The following SUPT3H variants were observed in gnomAD, a reference collection of about 807,000 sequenced individuals.
The protein encoded by SUPT3H is transcription initiation protein SPT3 homolog.
Under a neutral mutation model 44.3 loss-of-function variants are expected in SUPT3H, and 44 were observed. The ratio of observed to expected loss-of-function variants is 0.99; its 90% CI spans 0.78 to 1.28. SUPT3H has a LOEUF of 1.28. SUPT3H is among the 50% of genes most tolerant of loss of function. SUPT3H has a pLI of 0.00. For missense variants in SUPT3H, 380 were observed against 387.1 expected, an observed-to-expected ratio of 0.98 and a Z score of 0.15; for synonymous variants, 124 against 125.6, an observed-to-expected ratio of 0.99 and a Z score of 0.09.
Position 44,943,046 on chromosome 6 carries a change from A to G in SUPT3H, c.801+10264T>C, listed in dbSNP as rs747608615. 4.6e-5 allele frequency among the ~76,000 whole-genome samples: 7 copies of G among 152,314 alleles called. No homozygotes were observed. The South Asian group carries it at 1.2e-3, about 27-fold the overall frequency. ...CACAAGAAAGCATGACTTATATTCA[A>G]TGGAGACCAAGAAAATTCACATATT... On this transcript the variant is annotated intron_variant, in intron 9 of 10. Transcript: ENST00000371459.
intron 2 of SUPT3H, among the ~76,000 whole-genome samples, chr6:45,275,697 T>C (rs545809283): frequency 7.9e-5 from 12 of 152,300 alleles, no homozygotes; most frequent in Non-Finnish European, 1.8e-4. Flanking sequence ...CTCATATTTA[T>C]ACTTTGGTTA....
chr6:45,376,735 C>A (rs1416945482), intron 1 of SUPT3H, among the ~76,000 whole-genome samples: 2 of 152,182 alleles, frequency 1.3e-5, no homozygotes. Context: ...GAAACATTCA[C>A]CAGAAATTCC....
chr6:45,282,458 A>T lies in SUPT3H; in HGVS notation c.101+82743T>A, dbSNP rs565827088. 5.3e-5 allele frequency among the ~76,000 whole-genome samples: 8 copies of T among 152,356 alleles called. No homozygotes were observed. In the South Asian group the frequency reaches 1.7e-3, roughly 32 times the overall value. ...ACAAATGCACAAGCTTCAGTAGCCG[A>T]TTCGATCAACTGGAAGAAAGGGTAT... On this transcript the variant is annotated intron_variant, in intron 2 of 10. Coordinates refer to ENST00000371459, the MANE Select transcript of SUPT3H (RefSeq NM_003599.4).
At chr6:45,313,386 T>C (rs1324846468) in intron 2 of SUPT3H, among the ~76,000 whole-genome samples, 1 of 152,094 alleles carries the variant, frequency 6.6e-6, no homozygotes, top group African/African-American at 2.4e-5. Flanking sequence ...ATAAGATTGA[T>C]AGACCATTTG....
chr6:45,236,842 T>A (rs1437309410), intron 2 of SUPT3H, among the ~76,000 whole-genome samples: 2 of 152,160 alleles, frequency 1.3e-5, no homozygotes, highest in Non-Finnish European at 2.9e-5. Flanking sequence ...TGGACCAGGT[T>A]CTCCTTTTGT....
intron 2 of SUPT3H, among the ~76,000 whole-genome samples, chr6:45,116,913 A>C (rs1195645890): frequency 6.6e-6 from 1 of 152,076 alleles, no homozygotes; most frequent in Non-Finnish European, 1.5e-5. Context: ...GACAACCACT[A>C]ATCTACTTGA....
chr6:44,928,387 G>C (rs1582551269), intron 10 of SUPT3H, among the ~76,000 whole-genome samples: 2 of 152,172 alleles, frequency 1.3e-5, no homozygotes, highest in Non-Finnish European at 2.9e-5. Flanking sequence ...AGGTTCTTTA[G>C]AGTGTGTATA....
At chr6:45,022,415 G>GTTTTT (rs3053670) in intron 3 of SUPT3H, among the ~76,000 whole-genome samples, 3 of 141,562 alleles carry the variant, frequency 2.1e-5, no homozygotes, top group Non-Finnish European at 3.1e-5. Context: ...TGGAATCACT[G>GTTTTT]TTTTTTTTTT....
chr6:45,088,072 A>C (rs28678704), intron 3 of SUPT3H, among the ~76,000 whole-genome samples: 179 of 152,174 alleles, frequency 1.2e-3, no homozygotes, highest in African/African-American at 4.1e-3. Context: ...AAGCTTCCTA[A>C]GTCTCCAGGA....
intron 9 of SUPT3H, among the ~76,000 whole-genome samples, chr6:44,941,572 T>C (rs187487974): frequency 2.0e-4 from 30 of 152,212 alleles, no homozygotes; most frequent in African/African-American, 6.7e-4. Flanking sequence ...ACCAGAAAGG[T>C]GTTTAAGGAA....
intron 10 of SUPT3H, among the ~76,000 whole-genome samples, chr6:44,923,134 A>G (rs1342011981): frequency 1.3e-5 from 2 of 152,224 alleles, no homozygotes; most frequent in East Asian, 1.9e-4. Context: ...TTCTTCCTCT[A>G]TTCCTCAAGA....
intron 10 of SUPT3H, among the ~76,000 whole-genome samples, chr6:44,928,777 G>A (rs1461145994): frequency 6.7e-6 from 1 of 150,342 alleles, no homozygotes; most frequent in Non-Finnish European, 1.5e-5. Context: ...CAGCTACTCG[G>A]GAGGCTGAGG....
intron 2 of SUPT3H, among the ~76,000 whole-genome samples, chr6:45,113,714 C>T (rs1800407245): frequency 6.6e-6 from 1 of 151,492 alleles, no homozygotes; most frequent in Admixed American, 6.6e-5. Flanking sequence ...CCTGTAACCC[C>T]AGCTACTTGG....
intron 2 of SUPT3H, among the ~76,000 whole-genome samples, chr6:45,193,880 A>C (rs1383971216): frequency 6.6e-6 from 1 of 152,218 alleles, no homozygotes; most frequent in Non-Finnish European, 1.5e-5. Flanking sequence ...TTAGTTCTGT[A>C]AACTAACATA....
intron 11 of SUPT3H, among the ~76,000 whole-genome samples, chr6:44,812,002 T>TGATA (rs1766566570): frequency 6.6e-6 from 1 of 152,056 alleles, no homozygotes; most frequent in South Asian, 2.1e-4. Context: ...GAACCCTGAC[T>TGATA]GATAACTCAA....
chr6:45,258,032 C>T (rs1584532924), intron 2 of SUPT3H, among the ~76,000 whole-genome samples: 1 of 152,134 alleles, frequency 6.6e-6, no homozygotes, highest in Non-Finnish European at 1.5e-5. Flanking sequence ...TCCCAGAAAA[C>T]GTAGCATTCC....
chr6:45,260,282 A>C (rs1037782904), intron 2 of SUPT3H, among the ~76,000 whole-genome samples: 1 of 152,180 alleles, frequency 6.6e-6, no homozygotes, highest in Non-Finnish European at 1.5e-5. Context: ...AATATGTTTC[A>C]CATGGAAACT....
chr6:45,328,214 C>T, intron 2 of SUPT3H: 2 of 1,196,696 alleles, frequency 1.7e-6, no homozygotes, highest in Non-Finnish European at 2.2e-6. Flanking sequence ...GGCAGTCCCA[C>T]TTTACTTAAG....
chr6:45,102,476 A>G (rs1255975113), intron 3 of SUPT3H, among the ~76,000 whole-genome samples: 1 of 152,232 alleles, frequency 6.6e-6, no homozygotes, highest in Non-Finnish European at 1.5e-5. Context: ...AAGTCTTCAG[A>G]AGAGTCACAA....
Sources: gnomAD v4.1 joint callset for allele counts (sites outside exome capture counted in the v4.1 genomes callset) on GRCh38, gnomAD v4.1.1 for gene constraint, MANE v1.5 for transcripts, NCBI Gene and HGNC (gene_info 2026-07-23, HGNC 2026-07-21) for gene names.